The following KCNIP4 variants were observed in gnomAD, a reference collection of about 807,000 sequenced individuals.
KCNIP4 encodes Kv channel-interacting protein 4.
Under a neutral mutation model 34.0 loss-of-function variants are expected in KCNIP4, and 12 were observed. That is an observed-to-expected ratio of 0.35 (90% CI 0.23 to 0.57). The LOEUF (loss-of-function observed/expected upper bound fraction) is 0.57, where lower values mean the gene tolerates loss of function less well. KCNIP4 is among the 20% of genes least tolerant of loss of function. The pLI is 0.83. For missense variants in KCNIP4, 238 were observed against 311.7 expected (o/e 0.76, Z 1.78); for synonymous variants, 124 against 102.2 (o/e 1.21, Z -1.29).
chr4:21,523,095 T>C (rs372688812), intron 1 of KCNIP4, among the ~76,000 whole-genome samples: 1 of 151,978 alleles, frequency 6.6e-6, no homozygotes, highest in Admixed American at 6.6e-5. Flanking sequence ...CCTTCCACCA[T>C]GTTAGGTTAC....
At chr4:21,579,645 T>C (rs2109068733) in intron 1 of KCNIP4, among the ~76,000 whole-genome samples, 1 of 152,138 alleles carries the variant, frequency 6.6e-6, no homozygotes, top group Middle Eastern at 3.4e-3. Flanking sequence ...ACCTTGCTTT[T>C]TATTGCTGAA....
At chr4:21,137,264 A>T (rs1303938729) in intron 1 of KCNIP4, among the ~76,000 whole-genome samples, 2 of 152,172 alleles carry the variant, frequency 1.3e-5, no homozygotes, top group South Asian at 4.1e-4. Flanking sequence ...ATGACAGAAG[A>T]AGCAACCCTT....
rs143606316 is a variant in KCNIP4, at chr4:21,581,373, A to T, written c.61+367198T>A. Among the ~76,000 whole-genome samples the T allele has an allele frequency of 5.3e-5, 8 of 152,150 alleles. No individual in the cohort carries two copies. In the East Asian group the frequency reaches 1.5e-3, roughly 29 times the overall value. ...TAGACATGTTCTTTGGATGCAAGTTATGGATCCATACAAAACGTATTGATC... is the reference window on the plus strand; with the variant it reads ...TAGACATGTTCTTTGGATGCAAGTTTTGGATCCATACAAAACGTATTGATC... On this transcript the variant is annotated intron_variant, in intron 1 of 8. Coordinates refer to ENST00000382152, the MANE Select transcript of KCNIP4 (RefSeq NM_025221.6).
chr4:21,584,469 A>T (rs529100987), intron 1 of KCNIP4, among the ~76,000 whole-genome samples: 134 of 152,224 alleles, frequency 8.8e-4, no homozygotes, highest in African/African-American at 3.0e-3. Flanking sequence ...ATACACACAC[A>T]TTAAGATTTT....
intron 1 of KCNIP4, among the ~76,000 whole-genome samples, chr4:21,440,910 A>G (rs1046624392): frequency 6.6e-6 from 1 of 152,190 alleles, no homozygotes; most frequent in African/African-American, 2.4e-5. Flanking sequence ...ATCAGGAAAA[A>G]GAAAATTAAT....
At chr4:21,817,251 T>A (rs6826852) in intron 1 of KCNIP4, among the ~76,000 whole-genome samples, 55,105 of 151,996 alleles carry the variant, frequency 0.36, 11,414 homozygotes, top group East Asian at 0.65. Flanking sequence ...GATTTCATTT[T>A]AATATGGACA....
intron 1 of KCNIP4, chr4:21,581,997 A>G (rs1560534436): frequency 8.1e-6 from 1 of 124,030 alleles, no homozygotes; most frequent in Non-Finnish European, 1.9e-5. Context: ...TAGACTACAT[A>G]GGGCATAGAA....
intron 3 of KCNIP4, among the ~76,000 whole-genome samples, chr4:20,809,054 C>T (rs749593463): frequency 6.6e-6 from 1 of 152,204 alleles, no homozygotes; most frequent in Non-Finnish European, 1.5e-5. Context: ...TGTTACTCCA[C>T]ACCTTCTATT....
rs563912015 is a variant in KCNIP4, at chr4:21,632,250, G to C, written c.61+316321C>G. ...TTGTCAGAGACAGAGTTTCGCTCTT[G>C]TTGCCCAGGCTGGAGTGCAATGGTG... On this transcript the variant is annotated intron_variant, in intron 1 of 8. Coordinates refer to ENST00000382152, the MANE Select transcript of KCNIP4 (RefSeq NM_025221.6). 2.0e-5 allele frequency among the ~76,000 whole-genome samples: 3 copies of C among 152,224 alleles called. No individual in the cohort carries two copies. In the South Asian group the frequency reaches 6.2e-4, roughly 32 times the overall value.
intron 1 of KCNIP4, among the ~76,000 whole-genome samples, chr4:21,661,751 G>A (rs141555346): frequency 0.012 from 1,824 of 152,118 alleles, 34 homozygotes; most frequent in African/African-American, 0.041. Context: ...CACTGCCCTC[G>A]ATAGGTTCTT....
chr4:21,243,811 A>T (rs1577952117), intron 1 of KCNIP4, among the ~76,000 whole-genome samples: 1 of 152,096 alleles, frequency 6.6e-6, no homozygotes, highest in Non-Finnish European at 1.5e-5. Context: ...ATCAACAAAA[A>T]CCCTGTTTCT....
chr4:21,215,510 C>T (rs1015690818), intron 1 of KCNIP4, among the ~76,000 whole-genome samples: 1 of 152,200 alleles, frequency 6.6e-6, no homozygotes, highest in South Asian at 2.1e-4. Flanking sequence ...TTTCTGGACT[C>T]CTTCCATATG....
chr4:21,572,386 A>C (rs1271321689), intron 1 of KCNIP4, among the ~76,000 whole-genome samples: 1 of 152,132 alleles, frequency 6.6e-6, no homozygotes, highest in African/African-American at 2.4e-5. Flanking sequence ...TTCTAGGGTA[A>C]AATAAATTTA....
chr4:20,859,388 G>C (rs73242534), intron 2 of KCNIP4, among the ~76,000 whole-genome samples: 15,581 of 152,208 alleles, frequency 0.1, 870 homozygotes, highest in Middle Eastern at 0.14. Flanking sequence ...ATTCAAATGC[G>C]CATTTGCATC....
chr4:20,801,354 A>T (rs2149417712), intron 3 of KCNIP4, among the ~76,000 whole-genome samples: 1 of 152,184 alleles, frequency 6.6e-6, no homozygotes, highest in East Asian at 1.9e-4. Flanking sequence ...GCAACTATAA[A>T]ACTCACTAGT....
At chr4:21,423,808 AT>A (rs58053047) in intron 1 of KCNIP4, among the ~76,000 whole-genome samples, 38,536 of 141,132 alleles carry the variant, frequency 0.27, 5,304 homozygotes, top group Non-Finnish European at 0.36. Flanking sequence ...ACTTATGAGA[AT>A]TTTTTTTTTT....
chr4:21,035,621 T>C (rs1010528658), intron 1 of KCNIP4, among the ~76,000 whole-genome samples: 2 of 152,194 alleles, frequency 1.3e-5, no homozygotes, highest in African/African-American at 4.8e-5. Flanking sequence ...GAGACAAGTA[T>C]ATATGACATA....
intron 1 of KCNIP4, among the ~76,000 whole-genome samples, chr4:21,222,294 A>G (rs1037753505): frequency 6.6e-6 from 1 of 152,160 alleles, no homozygotes; most frequent in Admixed American, 6.5e-5. Flanking sequence ...AGGAATTAGC[A>G]ATCAAAGGAA....
chr4:21,445,833 G>A (rs1383111466), intron 1 of KCNIP4, among the ~76,000 whole-genome samples: 1 of 152,092 alleles, frequency 6.6e-6, no homozygotes, highest in Non-Finnish European at 1.5e-5. Context: ...AGAGTGAACA[G>A]GCAACACACA....
Sources: gnomAD v4.1 joint callset for allele counts (sites outside exome capture counted in the v4.1 genomes callset) on GRCh38, gnomAD v4.1.1 for gene constraint, MANE v1.5 for transcripts, NCBI Gene and HGNC (gene_info 2026-07-23, HGNC 2026-07-21) for gene names.